The following AKAP6 variants were observed in gnomAD, a reference collection of about 807,000 sequenced individuals.
AKAP6 encodes A-kinase anchor protein 6.
A neutral mutation model predicts 188.5 loss-of-function variants in AKAP6; 58 were observed. The observed-to-expected ratio is 0.31, with a 90% CI of 0.25 to 0.38. AKAP6 has a LOEUF of 0.38. AKAP6 is among the 10% of genes least tolerant of loss of function. The pLI, the probability that AKAP6 is intolerant of heterozygous loss-of-function variation, is 1.00. For synonymous variants in AKAP6, 989 were observed against 998.6 expected, an observed-to-expected ratio of 0.99 and a Z score of 0.18; for missense variants, 2,710 against 2,740.0, an observed-to-expected ratio of 0.99 and a Z score of 0.24.
At chr14:32,766,470 A>G (rs1202388949) in intron 11 of AKAP6, among the ~76,000 whole-genome samples, 1 of 152,182 alleles carries the variant, frequency 6.6e-6, no homozygotes, top group Non-Finnish European at 1.5e-5. Flanking sequence ...TTGCAATCCC[A>G]CTAATGGATG....
At chr14:32,504,262 G>A (rs1320265487) in intron 2 of AKAP6, among the ~76,000 whole-genome samples, 2 of 151,894 alleles carry the variant, frequency 1.3e-5, no homozygotes, top group African/African-American at 2.4e-5. Context: ...TGATTTTCAG[G>A]TATTAATTTT....
chr14:32,686,178 C>T (rs935931994), intron 8 of AKAP6, among the ~76,000 whole-genome samples: 5 of 151,650 alleles, frequency 3.3e-5, no homozygotes, highest in African/African-American at 7.3e-5. Flanking sequence ...AAGTGAAATT[C>T]GCCAGGCACA....
At chr14:32,566,001 C>T (rs1351755262) in intron 4 of AKAP6, among the ~76,000 whole-genome samples, 1 of 152,202 alleles carries the variant, frequency 6.6e-6, no homozygotes, top group Non-Finnish European at 1.5e-5. Context: ...TCAATGGCTC[C>T]TGAGCACTTG....
At chr14:32,575,997 T>G (rs1479863692) in intron 4 of AKAP6, among the ~76,000 whole-genome samples, 1 of 152,158 alleles carries the variant, frequency 6.6e-6, no homozygotes, top group East Asian at 1.9e-4. Context: ...TCATGATTTT[T>G]TTTGAGGTAA....
Position 32,696,130 on chromosome 14 carries a change from C to T in AKAP6, c.3000+20C>T. On this transcript the variant is annotated intron_variant, in intron 9 of 13. Coordinates refer to ENST00000280979, the MANE Select transcript of AKAP6 (RefSeq NM_004274.5). ...TACAAGGTTAGAGCTACCCTTCCTG[C>T]CTTTACCTTGCTGTGGAAGATCTGA... 6.3e-7 allele frequency: 1 copy of T among 1,581,990 alleles called. No individual in the cohort carries two copies. The highest frequency in any genetic ancestry group is 8.5e-7 in the Non-Finnish European group (1 of 1,170,416).
At position 32,822,321 on chromosome 14, in the gene AKAP6, A is replaced by T. The variant is rs761539570; in HGVS notation, c.4508A>T (p.Tyr1503Phe). The stretch of plus-strand genomic sequence containing the variant: ...GAGGATCCCCTGCTTCGTGGTTTTT[A>T]TTTTGATAAAAAATCATGCAAATCT... ...HVEDPLLRGF[Y>F]FDKKSCKSKH... The change falls in exon 13 of 14, where the codon TAT becomes TTT. Residue 1503 changes from tyrosine (Y) to phenylalanine (F), a missense_variant. By Grantham distance (22) the Tyr-to-Phe change is conservative. Around this residue, in one of 2 missense-constraint regions of AKAP6, gnomAD observed 2,473 missense variants for 2,426.1 expected, o/e 1.02. Transcript: ENST00000280979. 6.2e-7 allele frequency: 1 copy of T among 1,613,842 alleles called. No individual in the cohort carries two copies. The highest frequency in any genetic ancestry group is 2.2e-5 in the East Asian group (1 of 44,894).
intron 5 of AKAP6, among the ~76,000 whole-genome samples, chr14:32,586,495 C>T (rs545967744): frequency 3.9e-5 from 6 of 152,122 alleles, no homozygotes; most frequent in African/African-American, 7.2e-5. Context: ...GGTGTGGTGG[C>T]GCGTGTCTGT....
intron 1 of AKAP6, among the ~76,000 whole-genome samples, chr14:32,343,789 G>A (rs945340185): frequency 1.4e-5 from 2 of 138,510 alleles, no homozygotes; most frequent in Admixed American, 7.2e-5. Context: ...AGGAACAACT[G>A]TATCAACTGT....
At chr14:32,801,906 A>T (rs1594961076) in intron 12 of AKAP6, among the ~76,000 whole-genome samples, 1 of 151,972 alleles carries the variant, frequency 6.6e-6, no homozygotes, top group East Asian at 1.9e-4. Flanking sequence ...ACAGTTTTTT[A>T]TCCTCTGGCA....
chr14:32,820,845 C>G (rs547201374), intron 12 of AKAP6, among the ~76,000 whole-genome samples: 1 of 152,232 alleles, frequency 6.6e-6, no homozygotes, highest in African/African-American at 2.4e-5. Context: ...GGGGGGTACA[C>G]AGTCATGTGC....
chr14:32,380,200 G>A (rs1160838282), intron 1 of AKAP6, among the ~76,000 whole-genome samples: 2 of 152,198 alleles, frequency 1.3e-5, no homozygotes, highest in African/African-American at 4.8e-5. Flanking sequence ...CTTGGCAAAT[G>A]TCTGTGTATC....
At chr14:32,496,001 T>C (rs1196005623) in intron 2 of AKAP6, among the ~76,000 whole-genome samples, 1 of 152,220 alleles carries the variant, frequency 6.6e-6, no homozygotes, top group Non-Finnish European at 1.5e-5. Context: ...AATTTAGTTT[T>C]GGCTTCAAGT....
In AKAP6 at chr14:32,546,730, C is replaced by G; in HGVS notation, c.2077C>G (p.Leu693Val). The G allele has an allele frequency of 3.1e-6, 5 of 1,614,084 alleles. No individual in the cohort carries two copies. Among genetic ancestry groups the G allele is most frequent in the Non-Finnish European group, 4.2e-6 (5 of 1,180,020 alleles). Reference protein sequence around the residue: ...TYHVKKKHTRLGRVSPSSSSD... With the variant: ...TYHVKKKHTRVGRVSPSSSSD... ...TCATGTCAAAAAGAAGCATACAAGG[C>G]TAGGCAGGGTGTCTCCAAGCTCATC... Residue 693 changes from leucine (L) to valine (V), a missense_variant, in exon 4 of 14, where the codon CTA (leucine) becomes GTA (valine). By Grantham distance (32) the Leu-to-Val change is conservative (BLOSUM62 1). Transcript: ENST00000280979.
intron 9 of AKAP6, among the ~76,000 whole-genome samples, chr14:32,713,422 A>T (rs954359463): frequency 6.6e-6 from 1 of 151,746 alleles, no homozygotes; most frequent in African/African-American, 2.4e-5. Flanking sequence ...GAAGCTAGGC[A>T]TTGACTTCTC....
intron 12 of AKAP6, among the ~76,000 whole-genome samples, chr14:32,800,151 TACATATATATAC>T (rs1240979894): frequency 6.9e-6 from 1 of 144,832 alleles, no homozygotes; most frequent in Non-Finnish European, 1.5e-5. Context: ...CACACATATA[TACATATATATAC>T]ACATATATAT....
intron 12 of AKAP6, among the ~76,000 whole-genome samples, chr14:32,806,445 G>A (rs1201485442): frequency 6.6e-6 from 1 of 152,162 alleles, no homozygotes; most frequent in East Asian, 1.9e-4. Flanking sequence ...GGGAGACTGA[G>A]GCAGGTGGAT....
At position 32,824,612 on chromosome 14, in the gene AKAP6, G is replaced by A. The variant is rs1392988509; in HGVS notation, c.6799G>A (p.Glu2267Lys). ...GKPGESGMPEEHNAASAKSKV... is the reference protein window; with the variant it reads ...GKPGESGMPEKHNAASAKSKV... The stretch of plus-strand genomic sequence containing the variant: ...ACCAGGTGAATCTGGAATGCCAGAA[G>A]AACATAATGCTGCTTCAGCCAAATC... Residue 2267 changes from glutamate to lysine, a missense_variant, in exon 13 of 14, where the codon GAA becomes AAA. This residue lies in a region of AKAP6 where 2,473 missense variants were observed against 2,426.1 expected (regional missense o/e 1.02). Coordinates refer to ENST00000280979, the MANE Select transcript of AKAP6 (RefSeq NM_004274.5). 1 of 1,613,938 alleles carries A rather than the reference G, an allele frequency of 6.2e-7. No individual in the cohort carries two copies. Among genetic ancestry groups the A allele is most frequent in the Admixed American group, 1.7e-5 (1 of 59,924 alleles).
intron 9 of AKAP6, among the ~76,000 whole-genome samples, chr14:32,724,924 A>T (rs1566668672): frequency 2.1e-5 from 3 of 140,334 alleles, no homozygotes. Context: ...GCTAAAAGCC[A>T]CAACAGACTT....
rs73261477 is a variant in AKAP6, at chr14:32,458,901, A to C, written c.324+25084A>C. ...AAGGAAGGAATGCAAGGACAAAATA[A>C]TGCAACAGATATTAGTTTAAGAAAA... On this transcript the variant is annotated intron_variant, in intron 2 of 13. Transcript: ENST00000280979. Among the ~76,000 whole-genome samples the C allele has an allele frequency of 6.7e-3, 1,018 of 152,290 alleles. 13 individuals carry two copies. Among genetic ancestry groups the C allele is most frequent in the African/African-American group, 0.023 (972 of 41,572 alleles).
Sources: gnomAD v4.1 joint callset for allele counts (sites outside exome capture counted in the v4.1 genomes callset) on GRCh38, gnomAD v4.1.1 for gene constraint, gnomAD v4.1.1 regional missense constraint, MANE v1.5 for transcripts, NCBI Gene and HGNC (gene_info 2026-07-23, HGNC 2026-07-21) for gene names.